ADAMTSL1: variants seen among roughly 807,000 people sequenced by gnomAD.
ADAMTSL1 encodes the protein ADAMTS like 1.
A neutral mutation model predicts 201.8 loss-of-function variants in ADAMTSL1; 126 were observed. The observed-to-expected ratio is 0.62, with a 90% CI of 0.54 to 0.72. The LOEUF is 0.72. Among genes scored for constraint, ADAMTSL1 ranks in the 30% least tolerant of loss-of-function variants. The pLI is 0.00. For synonymous variants in ADAMTSL1, 1,121 were observed against 903.4 expected (o/e 1.24, Z -4.32); for missense variants, 2,679 against 2,277.8 (o/e 1.18, Z -3.59).
chr9:18,693,276 A>G (rs548590136), intron 13 of ADAMTSL1, among the ~76,000 whole-genome samples: 1 of 152,208 alleles, frequency 6.6e-6, no homozygotes. Context: ...CATTTTATTG[A>G]TATTTCACTG....
At chr9:18,343,513 C>T (rs1415809570) in intron 2 of ADAMTSL1, among the ~76,000 whole-genome samples, 1 of 152,114 alleles carries the variant, frequency 6.6e-6, no homozygotes, top group African/African-American at 2.4e-5. Flanking sequence ...AATATATAAT[C>T]CTGATTGATT....
chr9:18,776,700 C>G, intron 18 of ADAMTSL1, 81 bp from the exon 19 acceptor site: 1 of 1,411,664 alleles, frequency 7.1e-7, no homozygotes, highest in Non-Finnish European at 9.3e-7. Context: ...TCCTTTGCCC[C>G]TCTCTCCTGG....
At chr9:18,099,074 C>A (rs1824374809) in intron 1 of ADAMTSL1, among the ~76,000 whole-genome samples, 2 of 149,288 alleles carry the variant, frequency 1.3e-5, no homozygotes, top group African/African-American at 4.9e-5. Context: ...GAAGTCCATT[C>A]CATGACTTTT....
intron 1 of ADAMTSL1, among the ~76,000 whole-genome samples, chr9:17,994,090 T>TTGTGTG (rs367861504): frequency 0.029 from 4,103 of 142,142 alleles, 73 homozygotes; most frequent in Non-Finnish European, 0.045. Flanking sequence ...CAGAATCTCA[T>TTGTGTG]TGTGTGTGTG....
chr9:18,276,734 A>T (rs1406787879), intron 2 of ADAMTSL1, among the ~76,000 whole-genome samples: 17 of 152,170 alleles, frequency 1.1e-4, no homozygotes, highest in Admixed American at 1.1e-3. Context: ...AGGAGGTAAG[A>T]GGTGCCAAGT....
At chr9:18,792,680 T>C (rs1183341099) in intron 19 of ADAMTSL1, among the ~76,000 whole-genome samples, 4 of 152,218 alleles carry the variant, frequency 2.6e-5, no homozygotes, top group Non-Finnish European at 5.9e-5. Context: ...TCCTGGGACA[T>C]CCTAAAGCTT....
intron 15 of ADAMTSL1, among the ~76,000 whole-genome samples, chr9:18,744,606 C>A (rs1333435072): frequency 6.6e-6 from 1 of 152,200 alleles, no homozygotes; most frequent in African/African-American, 2.4e-5. Flanking sequence ...TGGGTTTCAC[C>A]CTTTACATGG....
At position 18,524,467 on chromosome 9, in the gene ADAMTSL1, C is replaced by T. The variant is rs543848108; in HGVS notation, c.192-8780C>T. ...TGCCTGATTGCCCTGGCCAGAACTT[C>T]CAACACTATGTTGAATAGGAGTGGT... On this transcript the variant is annotated intron_variant, in intron 2 of 28. Transcript: ENST00000380548. Among the ~76,000 whole-genome samples, 26 of 152,246 alleles carry T rather than the reference C, an allele frequency of 1.7e-4. No individual in the cohort carries two copies. The East Asian group carries it at 4.8e-3, about 28-fold the overall frequency.
chr9:18,758,419 C>T (rs1316003812), intron 16 of ADAMTSL1, among the ~76,000 whole-genome samples: 3 of 152,194 alleles, frequency 2.0e-5, no homozygotes, highest in Admixed American at 6.5e-5. Context: ...CACAAACTTA[C>T]TCTCTTATAG....
chr9:18,615,608 A>G (rs73644622), intron 4 of ADAMTSL1, among the ~76,000 whole-genome samples: 3,264 of 152,326 alleles, frequency 0.021, 62 homozygotes, highest in African/African-American at 0.044. Context: ...GTTATTCACC[A>G]GCTATGTGAC....
At chr9:18,837,453 T>G (rs531942630) in intron 23 of ADAMTSL1, among the ~76,000 whole-genome samples, 1 of 152,240 alleles carries the variant, frequency 6.6e-6, no homozygotes, top group Non-Finnish European at 1.5e-5. Flanking sequence ...TTCATTGTTA[T>G]GTTTGTCTCT....
intron 20 of ADAMTSL1, among the ~76,000 whole-genome samples, chr9:18,805,006 A>G (rs1401691664): frequency 2.0e-5 from 3 of 152,226 alleles, no homozygotes; most frequent in Non-Finnish European, 4.4e-5. Flanking sequence ...TGTATACTCA[A>G]ATATTTTAAT....
chr9:18,034,650 T>C (rs1821117729), intron 1 of ADAMTSL1, among the ~76,000 whole-genome samples: 1 of 152,314 alleles, frequency 6.6e-6, no homozygotes, highest in South Asian at 2.1e-4. Context: ...GTGGATATCA[T>C]TAAGTCCTAA....
chr9:18,852,314 T>A (rs1373694118), intron 23 of ADAMTSL1, among the ~76,000 whole-genome samples: 1 of 152,196 alleles, frequency 6.6e-6, no homozygotes, highest in Non-Finnish European at 1.5e-5. Flanking sequence ...AAGGAATAAA[T>A]GAGGCAGTAT....
At chr9:18,090,860 G>A (rs1021665045) in intron 1 of ADAMTSL1, among the ~76,000 whole-genome samples, 9 of 151,832 alleles carry the variant, frequency 5.9e-5, no homozygotes, top group South Asian at 2.1e-4. Context: ...TCCCCCTGGC[G>A]TTTTCCTTGC....
chr9:18,365,399 A>C (rs1274584890), intron 2 of ADAMTSL1, among the ~76,000 whole-genome samples: 4 of 152,192 alleles, frequency 2.6e-5, no homozygotes, highest in Non-Finnish European at 5.9e-5. Context: ...TATGTAAAAA[A>C]ATCAACAAAG....
chr9:18,605,217 A>G (rs576306743), intron 4 of ADAMTSL1, among the ~76,000 whole-genome samples: 5 of 152,236 alleles, frequency 3.3e-5, no homozygotes, highest in South Asian at 2.1e-4. Context: ...TTGCATACCA[A>G]TGGGGTATTT....
At chr9:18,165,661 T>G (rs891529288) in intron 2 of ADAMTSL1, among the ~76,000 whole-genome samples, 1 of 151,866 alleles carries the variant, frequency 6.6e-6, no homozygotes, top group Admixed American at 6.6e-5. Context: ...AAGCTGGAAT[T>G]TTACAAGAAA....
Position 18,639,245 on chromosome 9 carries a change from A to G in ADAMTSL1, c.677-9A>G, listed in dbSNP as rs960620083. ...TCTTTCTCTCATCTTCACGTGTTTGATCATATAGATCTGGAAACCAAAACC... is the reference window on the plus strand; with the variant it reads ...TCTTTCTCTCATCTTCACGTGTTTGGTCATATAGATCTGGAAACCAAAACC... On this transcript the variant is annotated splice_polypyrimidine_tract_variant and intron_variant, in intron 6 of 28. Coordinates refer to ENST00000380548, the MANE Select transcript of ADAMTSL1 (RefSeq NM_001040272.6). 2.5e-6 allele frequency: 4 copies of G among 1,612,104 alleles called. No individual in the cohort carries two copies. In the African/African-American group the frequency reaches 5.3e-5, roughly 22 times the overall value.
Sources: allele counts gnomAD v4.1 joint callset (sites outside exome capture counted in the v4.1 genomes callset), GRCh38; gene constraint gnomAD v4.1.1; transcripts MANE v1.5; gene names NCBI Gene and HGNC (gene_info 2026-07-23, HGNC 2026-07-21).